Variants in GALNT17 observed in about 807,000 individuals in gnomAD.
The protein encoded by GALNT17 is polypeptide N-acetylgalactosaminyltransferase 17, also known as UDP-GalNAc:polypeptide N-acetylgalactosaminyltransferase-like 3.
GALNT17 carries 29 observed loss-of-function variants against 63.7 expected under a neutral mutation model. That is an observed-to-expected ratio of 0.46 (90% confidence interval 0.34 to 0.62). The LOEUF (loss-of-function observed/expected upper bound fraction) is 0.62. GALNT17 is among the 20% of genes least tolerant of loss of function. The pLI is 0.01. For missense variants in GALNT17, 603 were observed against 799.6 expected (o/e 0.75, Z 2.97); for synonymous variants, 305 against 318.3 (o/e 0.96, Z 0.45).
chr7:71,667,129 C>T (rs555198446), intron 7 of GALNT17, among the ~76,000 whole-genome samples: 2 of 152,376 alleles, frequency 1.3e-5, no homozygotes, highest in African/African-American at 4.8e-5. Flanking sequence ...CTGAGCCATG[C>T]TGGAAAGTCA....
intron 1 of GALNT17, among the ~76,000 whole-genome samples, chr7:71,217,145 GTT>G (rs1197080765): frequency 1.6e-5 from 2 of 122,774 alleles, no homozygotes; most frequent in African/African-American, 3.3e-5. Context: ...TTCGTGTTTT[GTT>G]TTTTTTTTTT....
At chr7:71,259,582 A>G (rs759845109) in intron 1 of GALNT17, among the ~76,000 whole-genome samples, 3 of 151,932 alleles carry the variant, frequency 2.0e-5, no homozygotes, top group Non-Finnish European at 2.9e-5. Flanking sequence ...ACATAAGCCA[A>G]TGGAAGTACA....
At chr7:71,253,317 A>G (rs913194335) in intron 1 of GALNT17, among the ~76,000 whole-genome samples, 12 of 152,182 alleles carry the variant, frequency 7.9e-5, no homozygotes, top group African/African-American at 2.7e-4. Context: ...ATAAGAGCCA[A>G]TTAGAAGGGG....
chr7:71,250,081 A>G (rs756007073), intron 1 of GALNT17, among the ~76,000 whole-genome samples: 9 of 152,236 alleles, frequency 5.9e-5, no homozygotes, highest in Non-Finnish European at 1.2e-4. Context: ...CATTAATCAT[A>G]GAAACATTTC....
rs1214195779 is a variant in GALNT17, at chr7:71,693,303, C to CATATATATATATATAT, written c.1500+15998_1500+15999insTATATATATATATATA. ...ACACACACACACACACACACACACA[C>CATATATATATATATAT]ACACACATATATATATATGGAGACA... On this transcript the variant is annotated intron_variant, in intron 9 of 10. Transcript: ENST00000333538. 3.3e-5 allele frequency among the ~76,000 whole-genome samples: 4 copies of CATATATATATATATAT among 121,972 alleles called. 1 individual carries two copies. The highest frequency in any genetic ancestry group is 1.1e-3 in the East Asian group (2 of 1,844). 80.0% of individuals were successfully genotyped at this position (121,972 alleles called of 152,430 possible).
At chr7:71,345,115 C>A (rs981232054) in intron 2 of GALNT17, among the ~76,000 whole-genome samples, 1 of 151,298 alleles carries the variant, frequency 6.6e-6, no homozygotes, top group Non-Finnish European at 1.5e-5. Context: ...GCTTTCTAAG[C>A]CCCCACTGTT....
Position 71,388,248 on chromosome 7 carries a change from A to C in GALNT17, c.436A>C (p.Lys146Gln), listed in dbSNP as rs1198582012. The C allele has an allele frequency of 2.5e-6, 4 of 1,613,732 alleles. No homozygotes were observed. The East Asian group carries it at 8.9e-5, about 36-fold the overall frequency. ...CTCCTTCCCCAGGTGTAAGGAGCTC[A>C]AGTACTCCAAGGACCTGCCCCAGAT... The part of the protein sequence containing the change: ...DYRPTKCKEL[K>Q]YSKDLPQISI... The change falls in exon 3 of 11, where the codon AAG becomes CAG. Residue 146 changes from lysine to glutamine, a missense_variant. Lys to Gln is a moderately conservative substitution (Grantham distance 53). Around this residue, in one of 3 missense-constraint regions of GALNT17, gnomAD observed 195 missense variants for 215.0 expected, o/e 0.91. Coordinates refer to ENST00000333538, the MANE Select transcript of GALNT17 (RefSeq NM_022479.3).
chr7:71,247,760 G>T (rs1790125631), intron 1 of GALNT17, among the ~76,000 whole-genome samples: 1 of 152,092 alleles, frequency 6.6e-6, no homozygotes, highest in African/African-American at 2.4e-5. Context: ...CCTGGCCAAA[G>T]AGTCTACTGT....
chr7:71,227,594 C>A (rs149874747), intron 1 of GALNT17, among the ~76,000 whole-genome samples: 1 of 152,182 alleles, frequency 6.6e-6, no homozygotes, highest in Non-Finnish European at 1.5e-5. Context: ...CCTCCTACCC[C>A]CCTTGCTAGA....
At chr7:71,370,794 T>TG (rs1237583814) in intron 2 of GALNT17, among the ~76,000 whole-genome samples, 14 of 151,768 alleles carry the variant, frequency 9.2e-5, no homozygotes, top group African/African-American at 2.4e-4. Context: ...TTTGTAGAGA[T>TG]GGGGTCTCTC....
At chr7:71,624,599 C>T (rs1014883090) in intron 6 of GALNT17, among the ~76,000 whole-genome samples, 1 of 152,156 alleles carries the variant, frequency 6.6e-6, no homozygotes, top group Non-Finnish European at 1.5e-5. Flanking sequence ...TCCCCTTTAC[C>T]ATGTTAAAAA....
At chr7:71,554,766 A>G (rs575266823) in intron 5 of GALNT17, among the ~76,000 whole-genome samples, 1 of 152,348 alleles carries the variant, frequency 6.6e-6, no homozygotes, top group East Asian at 1.9e-4. Context: ...CAACGTGAGC[A>G]GTAGGGTGAG....
intron 5 of GALNT17, among the ~76,000 whole-genome samples, chr7:71,447,238 C>G (rs1377297713): frequency 6.6e-6 from 1 of 152,088 alleles, no homozygotes; most frequent in Non-Finnish European, 1.5e-5. Flanking sequence ...TATTTTTGTC[C>G]AACATGGCTA....
chr7:71,673,189 C>T (rs541155849), intron 8 of GALNT17, among the ~76,000 whole-genome samples: 15 of 152,148 alleles, frequency 9.9e-5, no homozygotes, highest in Non-Finnish European at 2.1e-4. Flanking sequence ...CTTCTCCACT[C>T]ATATCCCAAG....
chr7:71,469,815 A>ATCAGTCT (rs1787598330), intron 5 of GALNT17, among the ~76,000 whole-genome samples: 1 of 152,242 alleles, frequency 6.6e-6, no homozygotes, highest in Admixed American at 6.5e-5. Flanking sequence ...GAAGACTGAC[A>ATCAGTCT]TCAGGGACCA....
chr7:71,187,980 T>C (rs1468154469), intron 1 of GALNT17, among the ~76,000 whole-genome samples: 1 of 152,176 alleles, frequency 6.6e-6, no homozygotes, highest in Non-Finnish European at 1.5e-5. Flanking sequence ...CAATGTTTGG[T>C]TTTTCCATTC....
At chr7:71,256,041 A>G (rs763172210) in intron 1 of GALNT17, among the ~76,000 whole-genome samples, 11 of 152,176 alleles carry the variant, frequency 7.2e-5, no homozygotes, top group Non-Finnish European at 1.0e-4. Context: ...TTCTCCCTGA[A>G]GCCTGCTACC....
intron 6 of GALNT17, among the ~76,000 whole-genome samples, chr7:71,582,047 ACC>A (rs1328138406): frequency 6.6e-6 from 1 of 152,138 alleles, no homozygotes; most frequent in African/African-American, 2.4e-5. Context: ...TATGTGTTAT[ACC>A]TGGTGGGAAT....
intron 2 of GALNT17, among the ~76,000 whole-genome samples, chr7:71,363,801 G>A (rs2116241762): frequency 6.6e-6 from 1 of 152,318 alleles, no homozygotes; most frequent in Middle Eastern, 3.4e-3. Flanking sequence ...GCAAGGTAGA[G>A]AAGCAGCTTC....
Sources: gnomAD v4.1 joint callset for allele counts (sites outside exome capture counted in the v4.1 genomes callset) on GRCh38, gnomAD v4.1.1 for gene constraint, gnomAD v4.1.1 regional missense constraint, MANE v1.5 for transcripts, NCBI Gene and HGNC (gene_info 2026-07-23, HGNC 2026-07-21) for gene names.